FAM20B: variants seen among roughly 807,000 people sequenced by gnomAD.
FAM20B encodes FAM20B glycosaminoglycan xylosylkinase, also known as glycosaminoglycan xylosylkinase.
FAM20B carries 23 observed loss-of-function variants against 43.8 expected under a neutral mutation model. That is an observed-to-expected ratio of 0.53 (90% confidence interval 0.38 to 0.74). FAM20B has a LOEUF of 0.74. Among genes scored for constraint, FAM20B ranks in the 30% least tolerant of loss-of-function variants. The pLI, the probability that FAM20B is intolerant of heterozygous loss-of-function variation, is 0.00. For synonymous variants in FAM20B, 178 were observed against 192.4 expected (o/e 0.93, Z 0.62); for missense variants, 440 against 510.5 (o/e 0.86, Z 1.33).
At chr1:179,066,327 T>A (rs3766628) in intron 6 of FAM20B, among the ~76,000 whole-genome samples, 1 of 151,946 alleles carries the variant, frequency 6.6e-6, no homozygotes, top group Non-Finnish European at 1.5e-5. Flanking sequence ...GAATCTGTAC[T>A]TATACTTACT....
At chr1:179,058,322 G>T (rs1453741069) in intron 4 of FAM20B, among the ~76,000 whole-genome samples, 5 of 152,168 alleles carry the variant, frequency 3.3e-5, no homozygotes, top group Non-Finnish European at 7.3e-5. Flanking sequence ...AAATATGACG[G>T]TTTGCTCCCT....
chr1:179,055,338 C>T (rs1651166968), intron 4 of FAM20B, among the ~76,000 whole-genome samples: 1 of 152,136 alleles, frequency 6.6e-6, no homozygotes, highest in African/African-American at 2.4e-5. Context: ...TTCAGTGATA[C>T]AGTGCTCTGC....
chr1:179,043,482 C>T (rs902080638), intron 1 of FAM20B, among the ~76,000 whole-genome samples: 1 of 152,224 alleles, frequency 6.6e-6, no homozygotes, highest in African/African-American at 2.4e-5. Flanking sequence ...GTGTGCAGCC[C>T]TGGCCATGCC....
At chr1:179,021,746 A>G (rs889726826), upstream of FAM20B, among the ~76,000 whole-genome samples, 1 of 152,248 alleles carries the variant, frequency 6.6e-6, no homozygotes, top group African/African-American at 2.4e-5. Context: ...AAAAGAAAAC[A>G]TCCCGTATTA....
intron 3 of FAM20B, among the ~76,000 whole-genome samples, chr1:179,051,669 CAG>C (rs1248601120): frequency 2.6e-5 from 4 of 151,950 alleles, no homozygotes; most frequent in African/African-American, 9.7e-5. Context: ...TTTTCTGAGA[CAG>C]AGTCTCACTC....
chr1:179,049,639 C>A (rs1014926049), intron 2 of FAM20B, among the ~76,000 whole-genome samples: 3 of 152,186 alleles, frequency 2.0e-5, no homozygotes, highest in African/African-American at 7.2e-5. Context: ...CTCCCAGGTT[C>A]AAGCGATTCT....
At chr1:179,034,990 C>G (rs1367535548) in intron 1 of FAM20B, among the ~76,000 whole-genome samples, 5 of 152,170 alleles carry the variant, frequency 3.3e-5, no homozygotes. Flanking sequence ...TATTTCTTCT[C>G]TATGACCTCA....
intron 7 of FAM20B, among the ~76,000 whole-genome samples, chr1:179,068,094 A>G (rs969107810): frequency 2.0e-5 from 3 of 152,284 alleles, no homozygotes. Context: ...ACGCACATCA[A>G]GAATTAGCTG....
chr1:179,025,956 G>C lies in FAM20B; in HGVS notation c.-276G>C, dbSNP rs1473299041. 4 of 146,480 alleles carry C rather than the reference G, an allele frequency of 2.7e-5. No homozygotes were observed. The highest frequency in any genetic ancestry group is 9.9e-5 in the African/African-American group (4 of 40,306). 9.1% of individuals were successfully genotyped at this position (146,480 alleles called of 1,614,324 possible). A position where few individuals can be genotyped will look rare whatever the true frequency, so the allele number is the denominator to read the frequency against. Reference sequence around the variant, plus strand: ...CTGGGAATGGCCGGGCCGGGGGTGGGCCGGAGCCGCTGTGGCGGCGGCGGC... The same window carrying C: ...CTGGGAATGGCCGGGCCGGGGGTGGCCCGGAGCCGCTGTGGCGGCGGCGGC... On this transcript the variant is annotated 5_prime_UTR_variant, in exon 1 of 8. Transcript: ENST00000263733.
rs776955504 is a variant in FAM20B, at chr1:179,064,375, T to C, written c.817T>C (p.Leu273=). ...CCCTTATGACTCTGGCCCGCGCCTCTTGGACATCATTGACACAGCTGTCTT... is the reference window on the plus strand; with the variant it reads ...CCCTTATGACTCTGGCCCGCGCCTCCTGGACATCATTGACACAGCTGTCTT... ...TSPYDSGPRL[L]DIIDTAVFDY... The change falls in exon 6 of 8, where the codon TTG becomes CTG. Residue 273 remains leucine (L), a synonymous_variant. Transcript: ENST00000263733. The C allele has an allele frequency of 2.5e-6, 4 of 1,614,080 alleles. No individual in the cohort carries two copies. Among genetic ancestry groups the C allele is most frequent in the Admixed American group, 3.3e-5 (2 of 59,996 alleles).
chr1:179,020,273 C>A, the FAM20B span, among the ~76,000 whole-genome samples: 3 of 152,146 alleles, frequency 2.0e-5, no homozygotes, highest in Non-Finnish European at 4.4e-5. Flanking sequence ...GGTTGCCTCA[C>A]CTTTGGCCTG....
chr1:179,040,097 C>G (rs1296298609), intron 1 of FAM20B, among the ~76,000 whole-genome samples: 2 of 152,220 alleles, frequency 1.3e-5, no homozygotes, highest in African/African-American at 4.8e-5. Context: ...CTTTTCTTAG[C>G]ACAGAACAAA....
chr1:179,024,642 G>C (rs1649683335), upstream of FAM20B, among the ~76,000 whole-genome samples: 1 of 152,182 alleles, frequency 6.6e-6, no homozygotes, highest in African/African-American at 2.4e-5. Flanking sequence ...TTCTGCATTT[G>C]ACTGTACGTC....
In FAM20B at chr1:179,075,347, A is replaced by C. The variant is rs1268719070; in HGVS notation, c.*3203A>C. ...CAAACATCCAAAGGTAGACGTGGAG[A>C]CATTTTAATACTACAAAACTAGGAA... is the stretch of plus-strand genomic sequence containing the variant. On this transcript the variant is annotated 3_prime_UTR_variant, in exon 8 of 8. Coordinates refer to ENST00000263733, the MANE Select transcript of FAM20B (RefSeq NM_014864.4). 6.6e-6 allele frequency: 1 copy of C among 152,162 alleles called. No homozygotes were observed. The highest frequency in any genetic ancestry group is 6.5e-5 in the Admixed American group (1 of 15,272). The allele number at this position is 152,162 out of a possible 1,614,324, so 9.4% of individuals were successfully genotyped here.
At chr1:179,028,220 G>C (rs1224995769) in intron 1 of FAM20B, among the ~76,000 whole-genome samples, 1 of 152,176 alleles carries the variant, frequency 6.6e-6, no homozygotes, top group African/African-American at 2.4e-5. Flanking sequence ...CACAGAGGTT[G>C]TCTTTTGGTG....
chr1:179,031,008 G>A (rs6425512), intron 1 of FAM20B, among the ~76,000 whole-genome samples: 117,246 of 152,094 alleles, frequency 0.77, 46,119 homozygotes, highest in African/African-American at 0.93. Context: ...CTGCTTCTGA[G>A]AGTGATCTCC....
At chr1:179,021,145 A>C (rs1215026671), upstream of FAM20B, among the ~76,000 whole-genome samples, 2 of 152,212 alleles carry the variant, frequency 1.3e-5, no homozygotes, top group Non-Finnish European at 2.9e-5. Context: ...GCCATGAGAA[A>C]GGCTCAAAGA....
At chr1:179,035,558 C>T in intron 1 of FAM20B, 1 of 641,946 alleles carries the variant, frequency 1.6e-6, no homozygotes, top group Non-Finnish European at 2.9e-6. Context: ...TGGCCTTGTC[C>T]TTAGGCACGC....
At chr1:179,021,045 T>C (rs1290528788), upstream of FAM20B, among the ~76,000 whole-genome samples, 9 of 152,220 alleles carry the variant, frequency 5.9e-5, no homozygotes, top group Admixed American at 5.9e-4. Flanking sequence ...CACTCCAGCC[T>C]GGGCGACAGA....
Sources: gnomAD v4.1 joint callset for allele counts (sites outside exome capture counted in the v4.1 genomes callset) on GRCh38, gnomAD v4.1.1 for gene constraint, MANE v1.5 for transcripts, NCBI Gene and HGNC (gene_info 2026-07-23, HGNC 2026-07-21) for gene names.